POLR1A: variants seen among roughly 807,000 people sequenced by gnomAD.
The protein encoded by POLR1A is DNA-directed RNA polymerase I subunit RPA1.
A neutral mutation model predicts 205.3 loss-of-function variants in POLR1A; 84 were observed. That is an observed-to-expected ratio of 0.41 (90% CI 0.34 to 0.49). POLR1A has a LOEUF of 0.49. POLR1A is among the 20% of genes least tolerant of loss of function. The pLI is 0.22. For missense variants in POLR1A, 1,645 were observed against 2,204.5 expected (o/e 0.75, Z 5.08); for synonymous variants, 799 against 863.7 (o/e 0.93, Z 1.31).
At chr2:86,096,729 A>C (rs1673711080) in intron 3 of POLR1A, among the ~76,000 whole-genome samples, 1 of 152,170 alleles carries the variant, frequency 6.6e-6, no homozygotes, top group Non-Finnish European at 1.5e-5. Context: ...CATATGCAGA[A>C]GAATGAAACT....
rs557086775 is a variant in POLR1A, at chr2:86,038,781, C to T, written c.3953G>A (p.Arg1318Gln). The change falls in exon 27 of 34, where the codon CGG (arginine) becomes CAG (glutamine). Residue 1318 changes from arginine to glutamine, a missense_variant. Coordinates refer to ENST00000263857, the MANE Select transcript of POLR1A (RefSeq NM_015425.6). ...ATATGCATGTGGCAGGAACTGAAAC[C>T]GCAGCTGGTACACCTGGAATTTGTT... ...KQNKFQVYQL[R>Q]FQFLPHAYYQ... The T allele has an allele frequency of 3.9e-5, 63 of 1,613,842 alleles. No individual in the cohort carries two copies. The highest frequency in any genetic ancestry group is 2.4e-4 in the South Asian group (22 of 91,042).
rs1471248467 is a variant in POLR1A, at chr2:86,045,751, G to A, written c.2752C>T (p.Gln918Ter). ...GGTCTCCGACCTTCCAGTTCAATCT[G>A]GCCCAGCAGGCACGAGATCTGGAGG... ...NTMQISCLLG[Q>*]IELEGRRPPL... Residue 918 changes from glutamine (Q) to a stop codon, truncating the protein, a stop_gained, in exon 20 of 34, where the codon CAG (glutamine) becomes TAG (stop). Coordinates refer to ENST00000263857, the MANE Select transcript of POLR1A (RefSeq NM_015425.6). LOFTEE classifies it high-confidence loss of function. 10 of 1,606,802 alleles carry A rather than the reference G, an allele frequency of 6.2e-6. No homozygotes were observed.
intron 11 of POLR1A, among the ~76,000 whole-genome samples, chr2:86,077,394 C>T (rs1331520071): frequency 6.6e-6 from 1 of 152,200 alleles, no homozygotes; most frequent in African/African-American, 2.4e-5. Context: ...GGACTCACTC[C>T]CTTTCCTCTT....
At chr2:86,041,795 G>T (rs1044580597) in intron 24 of POLR1A, 94 bp downstream of exon 24, 1 of 1,083,254 alleles carries the variant, frequency 9.2e-7, no homozygotes, top group Non-Finnish European at 1.4e-6. Context: ...CCAGGAGGCA[G>T]CCCTCTTCCG....
At chr2:86,041,632 C>A (rs997752246) in intron 24 of POLR1A, among the ~76,000 whole-genome samples, 2 of 151,938 alleles carry the variant, frequency 1.3e-5, no homozygotes, top group African/African-American at 4.8e-5. Context: ...AGCAGACTTT[C>A]CTGCAAGCCT....
intron 13 of POLR1A, among the ~76,000 whole-genome samples, chr2:86,068,391 G>A (rs554152231): frequency 8.6e-6 from 1 of 116,494 alleles, no homozygotes; most frequent in South Asian, 4.0e-4. Flanking sequence ...ATGGGCGGGG[G>A]GGGGGGGCGG....
intron 18 of POLR1A, 104 bp downstream of exon 18, chr2:86,048,777 TCAA>T: frequency 4.9e-6 from 5 of 1,011,504 alleles, no homozygotes; most frequent in Non-Finnish European, 7.4e-6. Flanking sequence ...AGTCAGCTGT[TCAA>T]CAGCCAAGGT....
Position 86,039,393 on chromosome 2 carries a change from G to A in POLR1A, c.3810C>T (p.Asn1270=), listed in dbSNP as rs1413174638. Residue 1270 remains asparagine (N), a synonymous_variant, in exon 26 of 34, where the codon AAC becomes AAT. Transcript: ENST00000263857. ...KTPMMSVPVL[N]TKKALKRVKS... ...TCACTCTCTTCAGGGCTTTCTTGGT[G>A]TTGAGCACGGGCACGCTCATCATGG... 25 of 1,614,046 alleles carry A rather than the reference G, an allele frequency of 1.5e-5. No individual in the cohort carries two copies. The highest frequency in any genetic ancestry group is 2.0e-5 in the Non-Finnish European group (24 of 1,180,016).
At position 86,027,437 on chromosome 2, in the gene POLR1A, G is replaced by T. The variant is rs1672285198; in HGVS notation, c.5149C>A (p.Gln1717Lys). ...CGGGGTAGCTGCTATCTCAGAGGCTGCTTGAGCTCGAACAGGCCTGTCCCG... is the reference window on the plus strand; with the variant it reads ...CGGGGTAGCTGCTATCTCAGAGGCTTCTTGAGCTCGAACAGGCCTGTCCCG... ...RGGTGLFELKQPLR is the reference protein window; with the variant it reads ...RGGTGLFELKKPLR The change falls in exon 34 of 34, where the codon CAG (glutamine) becomes AAG (lysine). Residue 1717 changes from glutamine to lysine, a missense_variant. This residue lies in a region of POLR1A where 86 missense variants were observed against 149.8 expected (regional missense o/e 0.57). Transcript: ENST00000263857. The T allele has an allele frequency of 6.2e-7, 1 of 1,613,874 alleles. No homozygotes were observed. Among genetic ancestry groups the T allele is most frequent in the Non-Finnish European group, 8.5e-7 (1 of 1,179,896 alleles).
chr2:86,101,052 G>C (rs1047099336), intron 1 of POLR1A, among the ~76,000 whole-genome samples: 2 of 152,138 alleles, frequency 1.3e-5, no homozygotes, highest in African/African-American at 4.8e-5. Context: ...CCTGTATGCA[G>C]AAATAGTAAA....
At position 86,031,566 on chromosome 2, in the gene POLR1A, C is replaced by A; in HGVS notation, c.4342G>T (p.Glu1448Ter). The A allele has an allele frequency of 6.2e-7, 1 of 1,614,100 alleles. No individual in the cohort carries two copies. Among genetic ancestry groups the A allele is most frequent in the Non-Finnish European group, 8.5e-7 (1 of 1,179,956 alleles). Residue 1448 changes from glutamate to a stop codon, truncating the protein, a stop_gained, in exon 30 of 34, where the codon GAA becomes TAA. Transcript: ENST00000263857. LOFTEE classifies it high-confidence loss of function. Reference sequence around the variant, plus strand: ...GCACCTTCCCTGTGGGGATTTCGTTCCTCCTGCATGTCTTCATCGTCGTTC... The same window carrying A: ...GCACCTTCCCTGTGGGGATTTCGTTACTCCTGCATGTCTTCATCGTCGTTC... ...EENDDEDMQE[E>*]RNPHREGARK...
At chr2:86,086,059 CTTTT>C (rs70953983) in intron 6 of POLR1A, among the ~76,000 whole-genome samples, 6 of 148,934 alleles carry the variant, frequency 4.0e-5, no homozygotes, top group Non-Finnish European at 8.9e-5. Flanking sequence ...ACAGCCCTCA[CTTTT>C]TTTTTTTTCT....
intron 25 of POLR1A, 130 bp from the exon 26 acceptor site, chr2:86,039,592 T>C: frequency 2.7e-6 from 3 of 1,092,926 alleles, no homozygotes; most frequent in South Asian, 1.4e-5. Context: ...AGGGATAATA[T>C]GCTAGATCAG....
At chr2:86,090,278 C>T (rs1471792395) in intron 3 of POLR1A, among the ~76,000 whole-genome samples, 1 of 151,130 alleles carries the variant, frequency 6.6e-6, no homozygotes, top group Non-Finnish European at 1.5e-5. Context: ...ACTTGTGGTC[C>T]CAGCTACTTG....
intron 3 of POLR1A, among the ~76,000 whole-genome samples, chr2:86,098,193 C>A (rs62147717): frequency 0.28 from 43,121 of 152,072 alleles, 7,205 homozygotes; most frequent in East Asian, 0.5. Context: ...AATAATCGGA[C>A]AATCTAAAAT....
intron 24 of POLR1A, among the ~76,000 whole-genome samples, chr2:86,041,367 G>A (rs1450261002): frequency 2.0e-5 from 3 of 148,862 alleles, no homozygotes; most frequent in Admixed American, 1.3e-4. Flanking sequence ...GTGTGTGTGC[G>A]CGCGCGCGCT....
intron 7 of POLR1A, among the ~76,000 whole-genome samples, 161 bp from the exon 8 acceptor site, chr2:86,081,867 T>C (rs528828385): frequency 4.1e-4 from 62 of 152,348 alleles, no homozygotes; most frequent in Non-Finnish European, 1.2e-4. Context: ...GTCTCACTCC[T>C]GTCGCCCAGG....
At chr2:86,052,780 C>T (rs935856608) in intron 16 of POLR1A, 37 bp downstream of exon 16, 18 of 1,457,716 alleles carry the variant, frequency 1.2e-5, no homozygotes, top group African/African-American at 4.4e-5. Context: ...GCTGCGCTGA[C>T]GGGTCACTGC....
intron 14 of POLR1A, among the ~76,000 whole-genome samples, chr2:86,056,759 A>G (rs532522924): frequency 1.3e-5 from 2 of 152,308 alleles, no homozygotes; most frequent in East Asian, 1.9e-4. Flanking sequence ...GCCTGTGCCT[A>G]TAAGTGGAAC....
Sources: gnomAD v4.1 joint callset for allele counts (sites outside exome capture counted in the v4.1 genomes callset) on GRCh38, gnomAD v4.1.1 for gene constraint, gnomAD v4.1.1 regional missense constraint, MANE v1.5 for transcripts, NCBI Gene and HGNC (gene_info 2026-07-23, HGNC 2026-07-21) for gene names.